CAMK2D: variants seen among roughly 807,000 people sequenced by gnomAD.
The protein encoded by CAMK2D is calcium/calmodulin-dependent protein kinase type II subunit delta.
Under a neutral mutation model 84.0 loss-of-function variants are expected in CAMK2D, and 37 were observed. That is an observed-to-expected ratio of 0.44 (90% confidence interval 0.34 to 0.58). The LOEUF is 0.58. Ranked by LOEUF, CAMK2D falls within the 20% of genes least tolerant of loss-of-function variation. The pLI is 0.02. For synonymous variants in CAMK2D, 202 were observed against 212.5 expected (o/e 0.95, Z 0.43); for missense variants, 448 against 652.5 (o/e 0.69, Z 3.41).
intron 15 of CAMK2D, 90 bp from the exon 16 acceptor site, chr4:113,500,601 A>G: frequency 1.3e-6 from 1 of 758,844 alleles, no homozygotes; most frequent in Non-Finnish European, 2.2e-6. Context: ...CATATCATGC[A>G]AAATTCTTCA....
intron 2 of CAMK2D, among the ~76,000 whole-genome samples, chr4:113,726,884 C>T (rs1044303525): frequency 1.3e-5 from 2 of 152,100 alleles, no homozygotes; most frequent in Non-Finnish European, 2.9e-5. Context: ...CGATACAGTT[C>T]TGAAGTTTTA....
chr4:113,549,690 T>C (rs936405266), intron 5 of CAMK2D, among the ~76,000 whole-genome samples: 1 of 152,220 alleles, frequency 6.6e-6, no homozygotes, highest in African/African-American at 2.4e-5. Context: ...CTGAACTACA[T>C]TTATTCATTG....
chr4:113,717,901 A>C, intron 2 of CAMK2D, among the ~76,000 whole-genome samples: 1 of 152,100 alleles, frequency 6.6e-6, no homozygotes, highest in African/African-American at 2.4e-5. Flanking sequence ...GTTAACCATT[A>C]GATATATCAT....
At chr4:113,709,207 C>CAATTCT (rs3033056) in intron 2 of CAMK2D, among the ~76,000 whole-genome samples, 108,644 of 151,374 alleles carry the variant, frequency 0.72, 39,937 homozygotes, top group African/African-American at 0.88. Context: ...AAAATCATCT[C>CAATTCT]TTGAGTATCC....
At chr4:113,650,233 T>C (rs970417151) in intron 3 of CAMK2D, among the ~76,000 whole-genome samples, 7 of 151,338 alleles carry the variant, frequency 4.6e-5, no homozygotes, top group Admixed American at 1.3e-4. Flanking sequence ...TTTAAGAAAT[T>C]AGACGGCTGG....
intron 12 of CAMK2D, among the ~76,000 whole-genome samples, 197 bp from the exon 13 acceptor site, chr4:113,509,872 C>T (rs2098187025): frequency 6.6e-6 from 1 of 152,220 alleles, no homozygotes; most frequent in Non-Finnish European, 1.5e-5. Flanking sequence ...TGGTTTGCCA[C>T]AGCAAATTTA....
intron 16 of CAMK2D, among the ~76,000 whole-genome samples, chr4:113,467,850 T>A (rs966285216): frequency 2.0e-5 from 3 of 152,100 alleles, no homozygotes; most frequent in African/African-American, 7.2e-5. Flanking sequence ...GATTCTGGAA[T>A]ATAAGGGATA....
chr4:113,555,925 T>C (rs181020968), intron 4 of CAMK2D, among the ~76,000 whole-genome samples: 84 of 152,208 alleles, frequency 5.5e-4, no homozygotes, highest in African/African-American at 1.9e-3. Flanking sequence ...CTCTCCTCTC[T>C]TTTCTCCGTG....
chr4:113,669,711 T>A (rs1292987338), intron 2 of CAMK2D, among the ~76,000 whole-genome samples: 1 of 152,196 alleles, frequency 6.6e-6, no homozygotes, highest in Non-Finnish European at 1.5e-5. Context: ...TATCACTCAC[T>A]GCATGTTCCA....
intron 6 of CAMK2D, among the ~76,000 whole-genome samples, chr4:113,540,181 T>G (rs2098520777): frequency 6.6e-6 from 1 of 152,158 alleles, no homozygotes; most frequent in Non-Finnish European, 1.5e-5. Context: ...ACCACTCATA[T>G]AGCTTCCAAG....
chr4:113,751,218 G>A (rs921864141), intron 2 of CAMK2D, among the ~76,000 whole-genome samples: 7 of 152,080 alleles, frequency 4.6e-5, no homozygotes, highest in African/African-American at 1.7e-4. Flanking sequence ...GTTTGGGGCT[G>A]TATTACTAAC....
intron 6 of CAMK2D, among the ~76,000 whole-genome samples, chr4:113,544,694 C>T (rs1349734999): frequency 5.9e-5 from 9 of 152,178 alleles, no homozygotes; most frequent in South Asian, 2.1e-4. Context: ...TTGATCCAAA[C>T]GCTCCCAAAG....
chr4:113,538,569 A>T (rs1022684892), intron 6 of CAMK2D, among the ~76,000 whole-genome samples: 1 of 152,220 alleles, frequency 6.6e-6, no homozygotes, highest in African/African-American at 2.4e-5. Flanking sequence ...TTGTCTGAAA[A>T]TCTAAAAATT....
intron 19 of CAMK2D, among the ~76,000 whole-genome samples, chr4:113,456,102 G>A (rs1235393909): frequency 1.3e-5 from 2 of 152,186 alleles, no homozygotes; most frequent in South Asian, 2.1e-4. Context: ...GTTTGGTTTG[G>A]TTTGATTTTT....
chr4:113,524,876 T>C (rs2098404702), intron 8 of CAMK2D, among the ~76,000 whole-genome samples: 1 of 152,290 alleles, frequency 6.6e-6, no homozygotes, highest in Non-Finnish European at 1.5e-5. Flanking sequence ...AAGACTATGA[T>C]TGGGAGTAAG....
intron 11 of CAMK2D, 45 bp from the exon 12 acceptor site, chr4:113,513,415 A>C (rs1017057767): frequency 8.5e-7 from 1 of 1,180,598 alleles, no homozygotes; most frequent in Non-Finnish European, 1.3e-6. Context: ...GCCTATGCAA[A>C]TTCTGGACCT....
At chr4:113,473,943 A>G (rs1040939552) in intron 16 of CAMK2D, among the ~76,000 whole-genome samples, 6 of 152,210 alleles carry the variant, frequency 3.9e-5, no homozygotes, top group Admixed American at 3.3e-4. Flanking sequence ...TAAAATATTT[A>G]CTATTAAATT....
chr4:113,483,474 C>T (rs1017771579), intron 16 of CAMK2D, among the ~76,000 whole-genome samples: 2 of 151,546 alleles, frequency 1.3e-5, no homozygotes, highest in Non-Finnish European at 2.9e-5. Context: ...GGCACAATCT[C>T]GGCTCACTTC....
intron 4 of CAMK2D, among the ~76,000 whole-genome samples, chr4:113,557,516 G>A (rs911900397): frequency 2.0e-5 from 3 of 152,208 alleles, no homozygotes; most frequent in South Asian, 2.1e-4. Context: ...GAAGGAGAAT[G>A]TCAAATTTGA....
Sources: gnomAD v4.1 joint callset for allele counts (sites outside exome capture counted in the v4.1 genomes callset) on GRCh38, gnomAD v4.1.1 for gene constraint, MANE v1.5 for transcripts, NCBI Gene and HGNC (gene_info 2026-07-23, HGNC 2026-07-21) for gene names.